The following CCDC171 variants were observed in gnomAD, a reference collection of about 807,000 sequenced individuals.
CCDC171 encodes the protein coiled-coil domain-containing protein 171.
In CCDC171, 177 loss-of-function variants were observed where a neutral mutation model predicts 168.2. The ratio of observed to expected loss-of-function variants is 1.05; its 90% CI spans 0.93 to 1.19. CCDC171 has a LOEUF of 1.19. Among genes scored for constraint, CCDC171 ranks in the 50% most tolerant of loss-of-function variants. The pLI, the probability that CCDC171 is intolerant of heterozygous loss-of-function variation, is 0.00. For synonymous variants in CCDC171, 687 were observed against 540.8 expected (o/e 1.27, Z -3.75); for missense variants, 1,991 against 1,539.0 (o/e 1.29, Z -4.91).
At chr9:16,059,889 A>G (rs1263512103) in intron 1 of CCDC171, among the ~76,000 whole-genome samples, 1 of 152,060 alleles carries the variant, frequency 6.6e-6, no homozygotes, top group Non-Finnish European at 1.5e-5. Context: ...AAGCTCACCC[A>G]AACTGGTGGT....
At chr9:15,634,353 G>A (rs531104620) in intron 7 of CCDC171, among the ~76,000 whole-genome samples, 3 of 151,914 alleles carry the variant, frequency 2.0e-5, no homozygotes, top group African/African-American at 7.2e-5. Flanking sequence ...TTTCTACAAA[G>A]GGATATCTGC....
At chr9:15,897,036 T>C (rs1821001106) in intron 24 of CCDC171, among the ~76,000 whole-genome samples, 1 of 152,122 alleles carries the variant, frequency 6.6e-6, no homozygotes, top group Admixed American at 6.6e-5. Context: ...AAATGGAATA[T>C]AATGTCTCTG....
intron 21 of CCDC171, among the ~76,000 whole-genome samples, chr9:15,836,284 A>C (rs1419842039): frequency 6.6e-6 from 1 of 152,208 alleles, no homozygotes; most frequent in African/African-American, 2.4e-5. Context: ...CTTCTGCTTC[A>C]TATGTCCATA....
At chr9:15,907,064 G>C (rs1269841358) in intron 24 of CCDC171, among the ~76,000 whole-genome samples, 1 of 152,142 alleles carries the variant, frequency 6.6e-6, no homozygotes, top group East Asian at 1.9e-4. Flanking sequence ...TCAATATCGT[G>C]AAAATGGCCA....
chr9:15,699,436 C>A (rs960329642), intron 11 of CCDC171, among the ~76,000 whole-genome samples: 4 of 152,180 alleles, frequency 2.6e-5, no homozygotes, highest in African/African-American at 7.2e-5. Context: ...CGGGTTGCCA[C>A]TGCTGGCTTG....
chr9:15,716,928 C>T (rs1264878025), intron 11 of CCDC171, among the ~76,000 whole-genome samples: 1 of 152,114 alleles, frequency 6.6e-6, no homozygotes, highest in Admixed American at 6.6e-5. Flanking sequence ...GGAGGCTGAG[C>T]AAGATGGCTG....
chr9:15,584,023 C>T (rs1249456746), intron 4 of CCDC171, among the ~76,000 whole-genome samples: 2 of 152,170 alleles, frequency 1.3e-5, no homozygotes, highest in African/African-American at 2.4e-5. Flanking sequence ...CCCACCACCA[C>T]GCCCGGCTAA....
At chr9:15,691,449 C>G (rs2050769177) in intron 10 of CCDC171, among the ~76,000 whole-genome samples, 1 of 146,102 alleles carries the variant, frequency 6.8e-6, no homozygotes, top group Admixed American at 6.9e-5. Flanking sequence ...TTATTTTTCT[C>G]TATTTGTTTT....
the CCDC171 span, among the ~76,000 whole-genome samples, chr9:16,082,323 G>C: frequency 3.3e-5 from 5 of 152,164 alleles, no homozygotes; most frequent in African/African-American, 1.2e-4. Context: ...GTTATGTATG[G>C]TCCAAATGGG....
At chr9:15,628,854 A>G (rs567706485) in intron 7 of CCDC171, among the ~76,000 whole-genome samples, 4 of 152,336 alleles carry the variant, frequency 2.6e-5, no homozygotes, top group South Asian at 4.1e-4. Context: ...ACGATCAGAC[A>G]GCAGCATTAA....
chr9:15,835,257 A>C (rs180763770), intron 21 of CCDC171, among the ~76,000 whole-genome samples: 1 of 152,206 alleles, frequency 6.6e-6, no homozygotes, highest in Non-Finnish European at 1.5e-5. Context: ...TTAGTTGCAT[A>C]TTACATGTAT....
intron 23 of CCDC171, among the ~76,000 whole-genome samples, chr9:15,849,323 G>A (rs926180597): frequency 3.3e-5 from 5 of 150,784 alleles, no homozygotes; most frequent in African/African-American, 1.2e-4. Context: ...ATATATATAT[G>A]TATATAGAGA....
At chr9:16,073,076 T>G in the CCDC171 span, among the ~76,000 whole-genome samples, 2 of 152,244 alleles carry the variant, frequency 1.3e-5, no homozygotes, top group African/African-American at 4.8e-5. Context: ...CACACAATTT[T>G]TAAAAATCTC....
chr9:16,099,997 T>A, the CCDC171 span, among the ~76,000 whole-genome samples: 1 of 136,848 alleles, frequency 7.3e-6, no homozygotes, highest in Admixed American at 7.1e-5. Context: ...GAGATAGCTT[T>A]CAAGTTAAAA....
intron 1 of CCDC171, among the ~76,000 whole-genome samples, chr9:16,049,083 G>A (rs889613766): frequency 6.6e-6 from 1 of 151,888 alleles, no homozygotes; most frequent in Non-Finnish European, 1.5e-5. Flanking sequence ...TCAGAAAATC[G>A]CAATCCCAAC....
At chr9:15,637,641 C>T (rs1587643428) in intron 7 of CCDC171, among the ~76,000 whole-genome samples, 1 of 124,018 alleles carries the variant, frequency 8.1e-6, no homozygotes, top group East Asian at 2.8e-4. Flanking sequence ...CACAACAGTC[C>T]CCAGAGTGTG....
At chr9:15,914,028 A>G (rs1448309250) in intron 24 of CCDC171, among the ~76,000 whole-genome samples, 4 of 152,192 alleles carry the variant, frequency 2.6e-5, no homozygotes, top group African/African-American at 4.8e-5. Flanking sequence ...TTCGTCCCAG[A>G]GGGACACCTG....
chr9:15,714,519 A>C (rs2052926921), intron 11 of CCDC171, among the ~76,000 whole-genome samples: 1 of 152,190 alleles, frequency 6.6e-6, no homozygotes, highest in African/African-American at 2.4e-5. Context: ...ACAGTAGCAC[A>C]TTTTATGTCT....
At chr9:16,007,898 T>C (rs1832754170) in intron 3 of CCDC171, among the ~76,000 whole-genome samples, 1 of 152,206 alleles carries the variant, frequency 6.6e-6, no homozygotes, top group Admixed American at 6.5e-5. Context: ...TGGCTTAGGA[T>C]TGACTTTCTT....
Sources: gnomAD v4.1 joint callset for allele counts (sites outside exome capture counted in the v4.1 genomes callset) on GRCh38, gnomAD v4.1.1 for gene constraint, MANE v1.5 for transcripts, NCBI Gene and HGNC (gene_info 2026-07-23, HGNC 2026-07-21) for gene names.